TRAF3IP1: variants seen among roughly 807,000 people sequenced by gnomAD.
TRAF3IP1 encodes the protein intraflagellar transport 54, also known as TRAF3-interacting protein 1.
A neutral mutation model predicts 89.9 loss-of-function variants in TRAF3IP1; 53 were observed. The ratio of observed to expected loss-of-function variants is 0.59; its 90% CI spans 0.47 to 0.74. The LOEUF (loss-of-function observed/expected upper bound fraction) is 0.74, where lower values mean the gene tolerates loss of function less well. Ranked by LOEUF, TRAF3IP1 falls within the 30% of genes least tolerant of loss-of-function variation. The probability of loss-of-function intolerance (pLI) is 0.00; values close to 1 mark genes in which losing one functional copy is unlikely to be tolerated. For missense variants in TRAF3IP1, 806 were observed against 866.1 expected (o/e 0.93, Z 0.87); for synonymous variants, 311 against 322.1 (o/e 0.97, Z 0.37).
intron 14 of TRAF3IP1, among the ~76,000 whole-genome samples, chr2:238,353,866 C>T (rs1452381354): frequency 2.0e-5 from 3 of 152,150 alleles, no homozygotes; most frequent in South Asian, 2.1e-4. Context: ...CTCTGCCTCC[C>T]GGGTTGAAGT....
At chr2:238,330,268 C>T (rs1369925148) in intron 5 of TRAF3IP1, among the ~76,000 whole-genome samples, 3 of 152,152 alleles carry the variant, frequency 2.0e-5, no homozygotes, top group Non-Finnish European at 4.4e-5. Flanking sequence ...CCTGAGTTTA[C>T]TGTAATTATT....
chr2:238,346,981 T>C (rs1436038597), intron 9 of TRAF3IP1, among the ~76,000 whole-genome samples: 1 of 152,224 alleles, frequency 6.6e-6, no homozygotes, highest in African/African-American at 2.4e-5. Context: ...AAGATTTTCT[T>C]CTGCTTTCAG....
chr2:238,337,138 C>G (rs1420808768), intron 7 of TRAF3IP1, among the ~76,000 whole-genome samples: 1 of 152,080 alleles, frequency 6.6e-6, no homozygotes, highest in Non-Finnish European at 1.5e-5. Context: ...TCCATTTGAG[C>G]CTTCCTTCAC....
chr2:238,330,965 G>GA (rs1206612907), intron 5 of TRAF3IP1, among the ~76,000 whole-genome samples: 1 of 152,080 alleles, frequency 6.6e-6, no homozygotes, highest in East Asian at 1.9e-4. Context: ...AGAGGTGTAA[G>GA]AAAAAATATT....
At chr2:238,394,468 C>T (rs1406665158) in intron 15 of TRAF3IP1, among the ~76,000 whole-genome samples, 1 of 152,138 alleles carries the variant, frequency 6.6e-6, no homozygotes, top group Non-Finnish European at 1.5e-5. Flanking sequence ...CTTTCATCTG[C>T]ATTGTTTCGT....
intron 15 of TRAF3IP1, among the ~76,000 whole-genome samples, chr2:238,378,720 T>G (rs1700422668): frequency 6.6e-6 from 1 of 152,156 alleles, no homozygotes; most frequent in South Asian, 2.1e-4. Context: ...TAGAACAGTT[T>G]AAGTCTGATG....
intron 1 of TRAF3IP1, among the ~76,000 whole-genome samples, chr2:238,322,687 CAAAAA>C (rs71043130): frequency 4.6e-5 from 2 of 43,598 alleles, no homozygotes; most frequent in South Asian, 1.7e-3. Flanking sequence ...GACCCTGTCT[CAAAAA>C]AAAAAAAAAA....
intron 15 of TRAF3IP1, among the ~76,000 whole-genome samples, chr2:238,373,822 G>A (rs943545172): frequency 6.6e-6 from 1 of 152,190 alleles, no homozygotes; most frequent in African/African-American, 2.4e-5. Context: ...GCAGTGGTTT[G>A]TAGTTCTCCT....
rs1283298866 is a variant in TRAF3IP1 at position 238,375,478 on chromosome 2, CA to C, written c.1689+19399del. 7.9e-5 allele frequency among the ~76,000 whole-genome samples: 12 copies of C among 152,334 alleles called. No individual in the cohort carries two copies. In the East Asian group the frequency reaches 2.1e-3, roughly 27 times the overall value. Reference sequence around the variant, plus strand: ...TTAATCCTGAGTTCTAATTTGATTGCACTATGGTCTGAGAGACAGCTTGTCG... The same window carrying C: ...TTAATCCTGAGTTCTAATTTGATTGCCTATGGTCTGAGAGACAGCTTGTCG... On this transcript the variant is annotated intron_variant, in intron 15 of 16. Coordinates refer to ENST00000373327, the MANE Select transcript of TRAF3IP1 (RefSeq NM_015650.4).
chr2:238,355,649 C>T (rs753367485), intron 14 of TRAF3IP1, among the ~76,000 whole-genome samples: 11 of 152,262 alleles, frequency 7.2e-5, no homozygotes, highest in South Asian at 2.1e-4. Flanking sequence ...AAGAAGTATC[C>T]GTACTTAGAA....
At chr2:238,330,586 C>T (rs906895983) in intron 5 of TRAF3IP1, among the ~76,000 whole-genome samples, 5 of 152,174 alleles carry the variant, frequency 3.3e-5, no homozygotes, top group South Asian at 2.1e-4. Context: ...CTCTTCCTCC[C>T]GGGACAGCCA....
intron 15 of TRAF3IP1, 61 bp downstream of exon 15, chr2:238,356,141 C>T: frequency 7.7e-7 from 1 of 1,304,076 alleles, no homozygotes; most frequent in Non-Finnish European, 1.1e-6. Context: ...CATTTACAGA[C>T]TTTTACAAGT....
rs779837386 is a variant in TRAF3IP1, at chr2:238,353,224, C to T, written c.1612+15C>T. On this transcript the variant is annotated intron_variant, in intron 14 of 16. Coordinates refer to ENST00000373327, the MANE Select transcript of TRAF3IP1 (RefSeq NM_015650.4). Reference sequence around the variant, plus strand: ...GGAGAAGCATGGTGAGTCCTGGGCACGAGTGTGCATGTATGTCCATGTGTG... The same window carrying T: ...GGAGAAGCATGGTGAGTCCTGGGCATGAGTGTGCATGTATGTCCATGTGTG... 3.7e-5 allele frequency: 59 copies of T among 1,613,816 alleles called. No individual in the cohort carries two copies. The highest frequency in any genetic ancestry group is 5.3e-5 in the African/African-American group (4 of 74,914).
Position 238,326,423 on chromosome 2 carries a change from G to C in TRAF3IP1, c.354+453G>C, listed in dbSNP as rs576806619. On this transcript the variant is annotated intron_variant, in intron 3 of 16. Coordinates refer to ENST00000373327, the MANE Select transcript of TRAF3IP1 (RefSeq NM_015650.4). ...TCTCTTCCTCCATCTCCAGCCTCTG[G>C]TGTCTGCTTGCCTGTTGCCCTTCCT... is the stretch of plus-strand genomic sequence containing the variant. 3.3e-5 allele frequency among the ~76,000 whole-genome samples: 5 copies of C among 152,016 alleles called. No homozygotes were observed. The East Asian group carries it at 9.7e-4, about 30-fold the overall frequency.
At position 238,332,818 on chromosome 2, in the gene TRAF3IP1, T is replaced by TA; in HGVS notation, c.916-4dup. On this transcript the variant is annotated splice_region_variant and splice_polypyrimidine_tract_variant and intron_variant, in intron 5 of 16. Coordinates refer to ENST00000373327, the MANE Select transcript of TRAF3IP1 (RefSeq NM_015650.4). ...CTAAAGTTTGAATTTTTTTTTTTTT[T>TA]AATAGTCAGCAAGCTCAGGGGAGAT... is the stretch of plus-strand genomic sequence containing the variant. 1 of 1,595,930 alleles carries TA rather than the reference T, an allele frequency of 6.3e-7. No homozygotes were observed. Among genetic ancestry groups the TA allele is most frequent in the Non-Finnish European group, 8.5e-7 (1 of 1,169,970 alleles).
chr2:238,362,622 C>T (rs527353578), intron 15 of TRAF3IP1, among the ~76,000 whole-genome samples: 56 of 152,350 alleles, frequency 3.7e-4, no homozygotes, highest in African/African-American at 1.2e-3. Flanking sequence ...AGTTGGACAG[C>T]ACTTCCACTT....
chr2:238,378,029 G>C, intron 15 of TRAF3IP1, among the ~76,000 whole-genome samples: 1 of 151,660 alleles, frequency 6.6e-6, no homozygotes, highest in East Asian at 1.9e-4. Flanking sequence ...TTGTTTGTTT[G>C]TTTTTTGTTT....
chr2:238,359,150 G>A (rs1053801572), intron 15 of TRAF3IP1, among the ~76,000 whole-genome samples: 5 of 152,156 alleles, frequency 3.3e-5, no homozygotes, highest in African/African-American at 9.7e-5. Flanking sequence ...AGGCTTAGAA[G>A]TGCTGTGCCA....
At chr2:238,334,192 G>A (rs2106371437) in intron 7 of TRAF3IP1, 157 bp downstream of exon 7, 1 of 651,158 alleles carries the variant, frequency 1.5e-6, no homozygotes, top group Non-Finnish European at 2.7e-6. Flanking sequence ...GAAGATTTGT[G>A]GCTGTTACAT....
Sources: gnomAD v4.1 joint callset for allele counts (sites outside exome capture counted in the v4.1 genomes callset) on GRCh38, gnomAD v4.1.1 for gene constraint, MANE v1.5 for transcripts, NCBI Gene and HGNC (gene_info 2026-07-23, HGNC 2026-07-21) for gene names.